Variants in TEX11 observed in about 807,000 individuals in gnomAD.
The protein encoded by TEX11 is testis-expressed protein 11.
Under a neutral mutation model 84.4 loss-of-function variants are expected in TEX11, and 7 were observed. The observed-to-expected ratio is 0.08, with a 90% CI of 0.05 to 0.16. The LOEUF (loss-of-function observed/expected upper bound fraction) is 0.16, where lower values mean the gene tolerates loss of function less well. TEX11 is among the 10% of genes least tolerant of loss of function. The pLI, the probability that TEX11 is intolerant of heterozygous loss-of-function variation, is 1.00. For missense variants in TEX11, 551 were observed against 660.5 expected, an observed-to-expected ratio of 0.83 and a Z score of 1.82; for synonymous variants, 264 against 222.8, an observed-to-expected ratio of 1.18 and a Z score of -1.64.
At chrX:70,813,005 T>C (rs2091266214) in intron 8 of TEX11, among the ~76,000 whole-genome samples, 1 of 111,441 alleles carries the variant, frequency 9.0e-6, no homozygotes, top group African/African-American at 3.3e-5. Flanking sequence ...CACAGCTGAA[T>C]TCTACCAGAG....
chrX:70,620,972 A>C (rs1317880898), intron 20 of TEX11, among the ~76,000 whole-genome samples: 1 of 111,918 alleles, frequency 8.9e-6, no homozygotes, highest in Non-Finnish European at 1.9e-5. Context: ...AATACTCTGT[A>C]TGATATTGTA....
chrX:70,907,822 T>C lies in TEX11; in HGVS notation c.-21-12A>G, dbSNP rs1218689664. 9 of 1,040,417 alleles carry C rather than the reference T, an allele frequency of 8.7e-6. No homozygotes were observed. Among genetic ancestry groups the C allele is most frequent in the Non-Finnish European group, 1.2e-5 (9 of 741,769 alleles). The allele number at this position is 1,040,417 out of a possible 1,213,427, so 85.7% of individuals were successfully genotyped here. A position where few individuals can be genotyped will look rare whatever the true frequency, so the allele number is the denominator to read the frequency against. On this transcript the variant is annotated splice_polypyrimidine_tract_variant and intron_variant, in intron 1 of 29. Transcript: ENST00000374333. Reference sequence around the variant, plus strand: ...TCTCTGGCTCAAGCCTGTGAAATAATAACATATTTTAATACTCTGTTTTAT... The same window carrying C: ...TCTCTGGCTCAAGCCTGTGAAATAACAACATATTTTAATACTCTGTTTTAT...
At chrX:70,853,354 T>G in intron 5 of TEX11, 26 bp from the exon 6 acceptor site, 1 of 1,089,276 alleles carries the variant, frequency 9.2e-7, no homozygotes. Context: ...TAGAAAATAA[T>G]TTTTAAAAAT....
At chrX:70,656,955 T>TACAATAAAAAACTGAACAGGACAGTG (rs2147616510) in intron 16 of TEX11, among the ~76,000 whole-genome samples, 1 of 110,947 alleles carries the variant, frequency 9.0e-6, no homozygotes, top group African/African-American at 3.3e-5. Flanking sequence ...CTGCTGAGAG[T>TACAATAAAAAACTGAACAGGACAGTG]ACAATAAAAA....
chrX:70,666,358 A>G (rs758667677), intron 16 of TEX11, among the ~76,000 whole-genome samples: 1 of 112,194 alleles, frequency 8.9e-6, no homozygotes, highest in East Asian at 2.8e-4. Context: ...AGCATGAAAA[A>G]AGATACTGAG....
intron 24 of TEX11, among the ~76,000 whole-genome samples, chrX:70,593,249 G>C (rs1465237210): frequency 8.9e-6 from 1 of 111,845 alleles, no homozygotes; most frequent in Non-Finnish European, 1.9e-5. Flanking sequence ...TCCTTTACCA[G>C]AGGGAGGTAT....
chrX:70,686,164 T>C (rs2147663084), intron 13 of TEX11, among the ~76,000 whole-genome samples: 1 of 111,789 alleles, frequency 8.9e-6, no homozygotes, highest in East Asian at 2.8e-4. Context: ...GAAATACCAT[T>C]TGACCCAGCA....
At chrX:70,757,164 G>A (rs1289691545) in intron 9 of TEX11, among the ~76,000 whole-genome samples, 2 of 111,940 alleles carry the variant, frequency 1.8e-5, no homozygotes, top group African/African-American at 6.5e-5. Context: ...TGAAACTGAC[G>A]GGGAGAATGG....
intron 9 of TEX11, among the ~76,000 whole-genome samples, chrX:70,774,669 T>C (rs2090990900): frequency 9.0e-6 from 1 of 111,317 alleles, no homozygotes; most frequent in Non-Finnish European, 1.9e-5. Flanking sequence ...GAAAGTTCTC[T>C]ACAAGTAGAA....
intron 8 of TEX11, among the ~76,000 whole-genome samples, chrX:70,830,630 C>A (rs1191030140): frequency 9.0e-6 from 1 of 111,717 alleles, no homozygotes; most frequent in Non-Finnish European, 1.9e-5. Flanking sequence ...AAACAAATAA[C>A]CCAATGAAAA....
chrX:70,797,941 A>G, intron 9 of TEX11, among the ~76,000 whole-genome samples: 1 of 97,530 alleles, frequency 1.0e-5, no homozygotes, highest in Non-Finnish European at 2.1e-5. Flanking sequence ...CTAACATAGG[A>G]AAAAAGCAAA....
intron 3 of TEX11, among the ~76,000 whole-genome samples, chrX:70,877,088 G>C (rs1472352405): frequency 1.8e-5 from 2 of 110,889 alleles, no homozygotes; most frequent in Non-Finnish European, 3.8e-5. Flanking sequence ...GAGGCCAGGA[G>C]TTCGAAACCA....
At chrX:70,843,069 G>T (rs992544373) in intron 7 of TEX11, among the ~76,000 whole-genome samples, 20 of 111,718 alleles carry the variant, frequency 1.8e-4, no homozygotes, top group Admixed American at 1.9e-4. Flanking sequence ...GTAATTTATA[G>T]TTTCAATGCC....
chrX:70,567,786 T>G (rs1251111197), intron 25 of TEX11, among the ~76,000 whole-genome samples: 2 of 111,607 alleles, frequency 1.8e-5, no homozygotes, highest in South Asian at 7.5e-4. Context: ...GTTATAATGT[T>G]TGTTCTTTTA....
intron 9 of TEX11, among the ~76,000 whole-genome samples, chrX:70,760,466 C>T (rs759004821): frequency 3.6e-5 from 4 of 111,589 alleles, no homozygotes; most frequent in African/African-American, 1.3e-4. Flanking sequence ...ACATCTACAA[C>T]CATCTGATCT....
At chrX:70,605,365 T>C (rs2089184327) in intron 24 of TEX11, 36 bp downstream of exon 24, 1 of 967,841 alleles carries the variant, frequency 1.0e-6, no homozygotes, top group Admixed American at 2.3e-5. Flanking sequence ...AATAGCACAC[T>C]GAACTCTTGT....
intron 9 of TEX11, among the ~76,000 whole-genome samples, chrX:70,749,725 T>C (rs1306240433): frequency 4.8e-5 from 5 of 104,501 alleles, no homozygotes; most frequent in African/African-American, 1.4e-4. Context: ...GGATTACATT[T>C]ATTGATTTGC....
At chrX:70,853,375 C>A (rs762244738) in intron 5 of TEX11, 47 bp from the exon 6 acceptor site, 1 of 918,307 alleles carries the variant, frequency 1.1e-6, no homozygotes, top group African/African-American at 2.0e-5. Context: ...TCATACCTCC[C>A]CCAAATTGGT....
At chrX:70,564,599 C>T (rs182169741) in intron 25 of TEX11, among the ~76,000 whole-genome samples, 1 of 98,638 alleles carries the variant, frequency 1.0e-5, no homozygotes, top group East Asian at 3.3e-4. Context: ...GTTCCCCTTC[C>T]TGTGTCCATG....
Sources: gnomAD v4.1 joint callset for allele counts (sites outside exome capture counted in the v4.1 genomes callset) on GRCh38, gnomAD v4.1.1 for gene constraint, MANE v1.5 for transcripts, NCBI Gene and HGNC (gene_info 2026-07-23, HGNC 2026-07-21) for gene names.